Variants in NLGN1 observed in about 807,000 individuals in gnomAD.
The protein encoded by NLGN1 is neuroligin 1, also known as neuroligin-1.
A neutral mutation model predicts 65.5 loss-of-function variants in NLGN1; 12 were observed. The ratio of observed to expected loss-of-function variants is 0.18; its 90% CI spans 0.12 to 0.30. The LOEUF (loss-of-function observed/expected upper bound fraction) is 0.30, where lower values mean the gene tolerates loss of function less well. NLGN1 is among the 10% of genes least tolerant of loss of function. The probability of loss-of-function intolerance (pLI) is 1.00; values close to 1 mark genes in which losing one functional copy is unlikely to be tolerated. For missense variants in NLGN1, 750 were observed against 1,007.1 expected (o/e 0.74, Z 3.46); for synonymous variants, 350 against 359.5 (o/e 0.97, Z 0.30).
At chr3:174,014,642 C>T (rs569563610) in intron 4 of NLGN1, among the ~76,000 whole-genome samples, 61 of 152,154 alleles carry the variant, frequency 4.0e-4, no homozygotes, top group Admixed American at 2.6e-3. Flanking sequence ...CATCTCTTTC[C>T]TTGATCTCAA....
intron 2 of NLGN1, among the ~76,000 whole-genome samples, chr3:173,504,516 A>G (rs1430012109): frequency 1.3e-5 from 2 of 152,062 alleles, no homozygotes; most frequent in African/African-American, 4.8e-5. Flanking sequence ...TTCTGTTAAA[A>G]TATTTTGATA....
At chr3:173,543,579 G>A (rs1283981903) in intron 2 of NLGN1, among the ~76,000 whole-genome samples, 1 of 152,076 alleles carries the variant, frequency 6.6e-6, no homozygotes. Flanking sequence ...CTAATATTGT[G>A]TTCTGAAACA....
intron 4 of NLGN1, among the ~76,000 whole-genome samples, chr3:173,809,604 CCT>C (rs1455850640): frequency 6.6e-6 from 1 of 151,972 alleles, no homozygotes; most frequent in Non-Finnish European, 1.5e-5. Flanking sequence ...AGTTTTTTTG[CCT>C]CTTTCTGTTA....
chr3:174,256,277 A>G (rs1745743804), intron 4 of NLGN1, among the ~76,000 whole-genome samples: 1 of 152,220 alleles, frequency 6.6e-6, no homozygotes, highest in Non-Finnish European at 1.5e-5. Flanking sequence ...CAAGAGCGCC[A>G]ATGGAAGTAA....
chr3:173,971,228 A>G (rs1716164618), intron 4 of NLGN1, among the ~76,000 whole-genome samples: 1 of 152,190 alleles, frequency 6.6e-6, no homozygotes, highest in African/African-American at 2.4e-5. Flanking sequence ...AAAGATTTCC[A>G]GGAAATAAAT....
At chr3:173,404,847 C>G (rs1718322355) in intron 1 of NLGN1, among the ~76,000 whole-genome samples, 1 of 152,050 alleles carries the variant, frequency 6.6e-6, no homozygotes, top group Non-Finnish European at 1.5e-5. Context: ...TTTATCAAAA[C>G]CAAGGAGCAC....
At position 173,437,018 on chromosome 3, in the gene NLGN1, A is replaced by G. The variant is rs114015252; in HGVS notation, c.-321+1940A>G. 4.3e-3 allele frequency among the ~76,000 whole-genome samples: 652 copies of G among 152,306 alleles called. 1 individual carries two copies. Among genetic ancestry groups the G allele is most frequent in the Middle Eastern group, 6.8e-3 (2 of 294 alleles). ...CCAGATCTAAAGTCATCCTTATTAA[A>G]ACTTCTTGAAGTAGATTCTGATTCC... On this transcript the variant is annotated intron_variant, in intron 2 of 6. Transcript: ENST00000457714.
chr3:173,652,952 A>G (rs35873744), intron 3 of NLGN1, among the ~76,000 whole-genome samples: 37,892 of 151,872 alleles, frequency 0.25, 5,921 homozygotes, highest in Non-Finnish European at 0.34. Context: ...CCTTGTAGAG[A>G]TCTTTCACCT....
At chr3:174,009,678 G>A (rs1389775988) in intron 4 of NLGN1, among the ~76,000 whole-genome samples, 1 of 152,062 alleles carries the variant, frequency 6.6e-6, no homozygotes, top group Non-Finnish European at 1.5e-5. Flanking sequence ...AGTGGCGGTA[G>A]AATTTCTAAG....
intron 3 of NLGN1, among the ~76,000 whole-genome samples, chr3:173,742,968 A>G (rs1774872936): frequency 6.6e-6 from 1 of 152,146 alleles, no homozygotes; most frequent in Admixed American, 6.6e-5. Context: ...AAATACATAC[A>G]CCCATAATCT....
chr3:173,956,507 T>C (rs900369355), intron 4 of NLGN1, among the ~76,000 whole-genome samples: 3 of 152,182 alleles, frequency 2.0e-5, no homozygotes, highest in Admixed American at 6.5e-5. Flanking sequence ...ATTTTATGTG[T>C]CCTAAATTTA....
intron 3 of NLGN1, chr3:173,724,477 T>C (rs775452638): frequency 3.7e-5 from 8 of 217,748 alleles, no homozygotes; most frequent in South Asian, 1.1e-4. Flanking sequence ...GGTTTCACCA[T>C]GTTACGCAGG....
At chr3:173,875,371 T>C (rs944165575) in intron 4 of NLGN1, among the ~76,000 whole-genome samples, 1 of 152,210 alleles carries the variant, frequency 6.6e-6, no homozygotes, top group Non-Finnish European at 1.5e-5. Context: ...ACACTGAATA[T>C]CTTTCACTTT....
intron 4 of NLGN1, among the ~76,000 whole-genome samples, chr3:174,071,273 A>G (rs1739795387): frequency 6.6e-6 from 1 of 152,192 alleles, no homozygotes; most frequent in Non-Finnish European, 1.5e-5. Flanking sequence ...AAATGTTGGT[A>G]GAATACTGAA....
chr3:173,924,453 T>C (rs1340201660), intron 4 of NLGN1, among the ~76,000 whole-genome samples: 3 of 151,956 alleles, frequency 2.0e-5, no homozygotes, highest in Non-Finnish European at 2.9e-5. Flanking sequence ...TAATGTATGA[T>C]AGTAGGTCTT....
At chr3:174,155,525 T>C (rs1725280580) in intron 4 of NLGN1, among the ~76,000 whole-genome samples, 1 of 151,850 alleles carries the variant, frequency 6.6e-6, no homozygotes, top group African/African-American at 2.4e-5. Flanking sequence ...TTAGACAATA[T>C]AGGGAAATCT....
At chr3:173,493,838 TATAG>T (rs1729571452) in intron 2 of NLGN1, among the ~76,000 whole-genome samples, 2 of 150,578 alleles carry the variant, frequency 1.3e-5, no homozygotes, top group Non-Finnish European at 3.0e-5. Flanking sequence ...AATATATATA[TATAG>T]AGAGAGAGTA....
intron 4 of NLGN1, among the ~76,000 whole-genome samples, chr3:174,192,691 G>GTT (rs1307968379): frequency 6.6e-6 from 1 of 152,126 alleles, no homozygotes; most frequent in Non-Finnish European, 1.5e-5. Context: ...CTTGGGGCTA[G>GTT]TTATATAGCA....
At chr3:173,437,988 A>G (rs1718444265) in intron 2 of NLGN1, among the ~76,000 whole-genome samples, 1 of 151,984 alleles carries the variant, frequency 6.6e-6, no homozygotes, top group Admixed American at 6.6e-5. Context: ...CCAAGTATCC[A>G]AGTCCCCAAT....
Sources: allele counts gnomAD v4.1 joint callset (sites outside exome capture counted in the v4.1 genomes callset), GRCh38; gene constraint gnomAD v4.1.1; transcripts MANE v1.5; gene names NCBI Gene and HGNC (gene_info 2026-07-23, HGNC 2026-07-21).